The following RFX7 variants were observed in gnomAD, a reference collection of about 807,000 sequenced individuals.
The protein encoded by RFX7 is DNA-binding protein RFX7.
A neutral mutation model predicts 111.8 loss-of-function variants in RFX7; 26 were observed. The ratio of observed to expected loss-of-function variants is 0.23; its 90% CI spans 0.17 to 0.32. RFX7 has a LOEUF of 0.32. Among genes scored for constraint, RFX7 ranks in the 10% least tolerant of loss-of-function variants. The pLI is 1.00. For synonymous variants in RFX7, 624 were observed against 624.4 expected (o/e 1.00, Z 0.01); for missense variants, 1,573 against 1,772.9 (o/e 0.89, Z 2.02).
At chr15:56,208,485 T>C (rs1462179223) in intron 2 of RFX7, among the ~76,000 whole-genome samples, 1 of 152,192 alleles carries the variant, frequency 6.6e-6, no homozygotes, top group East Asian at 1.9e-4. Flanking sequence ...GATCCTTTTA[T>C]TCAGTAACTC....
At chr15:56,101,978 T>C (rs1436134507) in intron 7 of RFX7, among the ~76,000 whole-genome samples, 191 bp downstream of exon 7, 2 of 152,234 alleles carry the variant, frequency 1.3e-5, no homozygotes, top group Non-Finnish European at 2.9e-5. Flanking sequence ...TTCTAAACTT[T>C]TGTTCCCCCA....
intron 5 of RFX7, among the ~76,000 whole-genome samples, chr15:56,112,108 T>A (rs1348402389): frequency 1.3e-5 from 2 of 149,130 alleles, no homozygotes; most frequent in African/African-American, 2.5e-5. Context: ...GAGGGACACT[T>A]TGCCCCAGAA....
At chr15:56,232,531 T>C (rs1192666023) in intron 2 of RFX7, among the ~76,000 whole-genome samples, 1 of 152,186 alleles carries the variant, frequency 6.6e-6, no homozygotes, top group African/African-American at 2.4e-5. Context: ...TTAACACTTG[T>C]TTCCTCGTTA....
intron 2 of RFX7, among the ~76,000 whole-genome samples, chr15:56,179,972 T>C (rs1165596355): frequency 6.6e-6 from 1 of 152,180 alleles, no homozygotes; most frequent in East Asian, 1.9e-4. Context: ...ACTGTTAATA[T>C]ATAACACAAA....
Position 56,096,479 on chromosome 15 carries a change from C to G in RFX7, c.1249G>C (p.Ala417Pro). Residue 417 changes from alanine (A) to proline (P), a missense_variant, in exon 10 of 10, where the codon GCC becomes CCC. Coordinates refer to ENST00000559447, the MANE Select transcript of RFX7 (RefSeq NM_022841.7). ...GCAGAACGATCCCCACCAGGACTGGCTGGAACGTTCTGGGGAGTCTTTGGT... is the reference window on the plus strand; with the variant it reads ...GCAGAACGATCCCCACCAGGACTGGGTGGAACGTTCTGGGGAGTCTTTGGT... ...QAPKTPQNVPASPGGDRSARH... is the reference protein window; with the variant it reads ...QAPKTPQNVPPSPGGDRSARH... The G allele has an allele frequency of 1.2e-6, 2 of 1,608,926 alleles. No homozygotes were observed. The highest frequency in any genetic ancestry group is 1.3e-5 in the African/African-American group (1 of 74,942).
intron 3 of RFX7, among the ~76,000 whole-genome samples, chr15:56,152,977 C>T (rs1454878731): frequency 1.3e-5 from 2 of 152,154 alleles, no homozygotes; most frequent in African/African-American, 2.4e-5. Flanking sequence ...GGATAAACTC[C>T]TGGACATATA....
intron 3 of RFX7, among the ~76,000 whole-genome samples, chr15:56,146,326 T>C (rs948360669): frequency 6.6e-6 from 1 of 152,132 alleles, no homozygotes; most frequent in Non-Finnish European, 1.5e-5. Flanking sequence ...GGTCTGGAAT[T>C]CCTGCCTGGC....
At chr15:56,228,275 C>T (rs1370605643) in intron 2 of RFX7, among the ~76,000 whole-genome samples, 1 of 152,000 alleles carries the variant, frequency 6.6e-6, no homozygotes, top group East Asian at 1.9e-4. Context: ...ATTATTACTT[C>T]AAATATTTCT....
At chr15:56,162,112 T>G (rs2042726815) in intron 3 of RFX7, among the ~76,000 whole-genome samples, 2 of 152,100 alleles carry the variant, frequency 1.3e-5, no homozygotes, top group Admixed American at 6.5e-5. Flanking sequence ...TTCTAGTCAC[T>G]GTGTTTTTAA....
chr15:56,243,641 G>T lies in RFX7; in HGVS notation c.-199C>A, dbSNP rs184502412. On this transcript the variant is annotated 5_prime_UTR_variant, in exon 1 of 10. Coordinates refer to ENST00000559447, the MANE Select transcript of RFX7 (RefSeq NM_022841.7). ...AGATGGGGGCGTTTGAAGACGAAGTGGGGGGGGCAGGCTCCCCCCAAAATC... is the reference window on the plus strand; with the variant it reads ...AGATGGGGGCGTTTGAAGACGAAGTTGGGGGGGCAGGCTCCCCCCAAAATC... 4.4e-5 allele frequency: 6 copies of T among 137,684 alleles called. No homozygotes were observed. The highest frequency in any genetic ancestry group is 8.0e-5 in the Non-Finnish European group (6 of 75,432). The allele number at this position is 137,684 out of a possible 1,614,324, so 8.5% of individuals were successfully genotyped here.
intron 3 of RFX7, among the ~76,000 whole-genome samples, chr15:56,176,394 G>C (rs2042903137): frequency 6.6e-6 from 1 of 152,122 alleles, no homozygotes; most frequent in African/African-American, 2.4e-5. Flanking sequence ...AGAGAGACAG[G>C]AGAAGTGAAT....
intron 3 of RFX7, among the ~76,000 whole-genome samples, chr15:56,154,407 A>T (rs1241736244): frequency 6.6e-6 from 1 of 151,628 alleles, no homozygotes; most frequent in African/African-American, 2.4e-5. Context: ...GTAACCAAAC[A>T]GCATGGTACT....
chr15:56,243,040 G>GCACC, intron 2 of RFX7, 85 bp downstream of exon 2: 1 of 570,718 alleles, frequency 1.8e-6, no homozygotes, highest in South Asian at 1.5e-5. Context: ...CTCCTCCTCC[G>GCACC]CTCCCCCCGC....
chr15:56,126,724 T>C (rs1271373619), intron 5 of RFX7, among the ~76,000 whole-genome samples: 2 of 152,090 alleles, frequency 1.3e-5, no homozygotes, highest in African/African-American at 4.8e-5. Flanking sequence ...AGATAAAGCA[T>C]GGCTACAGTA....
intron 2 of RFX7, among the ~76,000 whole-genome samples, chr15:56,214,234 T>C (rs1339077440): frequency 6.6e-6 from 1 of 152,198 alleles, no homozygotes; most frequent in African/African-American, 2.4e-5. Flanking sequence ...TCTAGGCCAT[T>C]TTTTCTTCCA....
At chr15:56,204,179 T>C (rs2043226364) in intron 2 of RFX7, among the ~76,000 whole-genome samples, 1 of 151,762 alleles carries the variant, frequency 6.6e-6, no homozygotes, top group African/African-American at 2.4e-5. Flanking sequence ...ACCACCACGC[T>C]TGGCTAATTT....
intron 9 of RFX7, among the ~76,000 whole-genome samples, chr15:56,097,771 A>AAAAAAAAAAAC (rs1567005692): frequency 2.0e-5 from 3 of 149,280 alleles, no homozygotes; most frequent in Non-Finnish European, 3.0e-5. Context: ...AAAAAAAAAA[A>AAAAAAAAAAAC]TCTTGGCTCA....
chr15:56,232,747 C>T (rs1427577388), intron 2 of RFX7, among the ~76,000 whole-genome samples: 1 of 152,176 alleles, frequency 6.6e-6, no homozygotes, highest in African/African-American at 2.4e-5. Context: ...TCATCTCCCC[C>T]AAGTTAAAAG....
intron 2 of RFX7, among the ~76,000 whole-genome samples, chr15:56,191,620 T>C (rs2043101174): frequency 6.6e-6 from 1 of 152,218 alleles, no homozygotes. Context: ...TCAATTCAAA[T>C]TTTGACAGAC....
Sources: gnomAD v4.1 joint callset for allele counts (sites outside exome capture counted in the v4.1 genomes callset) on GRCh38, gnomAD v4.1.1 for gene constraint, MANE v1.5 for transcripts, NCBI Gene and HGNC (gene_info 2026-07-23, HGNC 2026-07-21) for gene names.